The following PEX1 variants were observed in gnomAD, a reference collection of about 807,000 sequenced individuals.
PEX1 encodes peroxisomal ATPase PEX1.
In PEX1, 97 loss-of-function variants were observed where a neutral mutation model predicts 152.5. The observed-to-expected ratio is 0.64, with a 90% CI of 0.54 to 0.75. The LOEUF (loss-of-function observed/expected upper bound fraction) is 0.75. Among genes scored for constraint, PEX1 ranks in the 30% least tolerant of loss-of-function variants. PEX1 has a pLI of 0.00. For synonymous variants in PEX1, 485 were observed against 531.6 expected (o/e 0.91, Z 1.21); for missense variants, 1,357 against 1,516.3 (o/e 0.89, Z 1.74).
intron 17 of PEX1, among the ~76,000 whole-genome samples, chr7:92,495,638 T>C (rs1791617290): frequency 6.6e-6 from 1 of 152,176 alleles, no homozygotes; most frequent in African/African-American, 2.4e-5. Context: ...ATTTCTGGGA[T>C]ATCTTTAGCG....
intron 12 of PEX1, 151 bp downstream of exon 12, chr7:92,504,581 T>C (rs1437933490): frequency 3.8e-6 from 3 of 785,954 alleles, no homozygotes; most frequent in Admixed American, 2.1e-5. Flanking sequence ...TTACAGTCTA[T>C]AGGACAACTG....
At chr7:92,504,638 A>AT in intron 12 of PEX1, 94 bp downstream of exon 12, 1 of 1,241,216 alleles carries the variant, frequency 8.1e-7, no homozygotes, top group Non-Finnish European at 1.2e-6. Context: ...CATAACACAT[A>AT]TATTATTCTC....
chr7:92,489,509 G>A lies in PEX1; in HGVS notation c.3637-86C>T. The A allele has an allele frequency of 2.4e-6, 3 of 1,236,068 alleles. No individual in the cohort carries two copies. The South Asian group carries it at 3.8e-5, about 16-fold the overall frequency. The allele number at this position is 1,236,068 out of a possible 1,614,324, so 76.6% of individuals were successfully genotyped here. On this transcript the variant is annotated intron_variant, in intron 22 of 23. Coordinates refer to ENST00000248633, the MANE Select transcript of PEX1 (RefSeq NM_000466.3). ...GTCCAGTTGTTACTTCTTATTGTCA[G>A]TTTTTTCAAGAGACCATACGTTCTC...
chr7:92,522,297 G>C, intron 1 of PEX1, 52 bp from the exon 2 acceptor site: 1 of 1,554,230 alleles, frequency 6.4e-7, no homozygotes, highest in South Asian at 1.1e-5. Context: ...CATTTTTCTG[G>C]ATTCACATGA....
chr7:92,489,602 G>T, intron 22 of PEX1, 112 bp downstream of exon 22: 1 of 1,065,918 alleles, frequency 9.4e-7, no homozygotes. Flanking sequence ...AATGTGTTCT[G>T]GTCCCTTGTT....
chr7:92,504,038 A>G (rs1295000311), intron 12 of PEX1, among the ~76,000 whole-genome samples: 1 of 151,878 alleles, frequency 6.6e-6, no homozygotes, highest in Non-Finnish European at 1.5e-5. Flanking sequence ...TTGCTTCTTT[A>G]TTAGCATGAA....
At chr7:92,515,098 TA>T in intron 5 of PEX1, among the ~76,000 whole-genome samples, 1 of 4,792 alleles carries the variant, frequency 2.1e-4, no homozygotes, top group South Asian at 8.6e-3. Context: ...TATATATATA[TA>T]TATATATATA....
intron 5 of PEX1, 118 bp downstream of exon 5, chr7:92,517,158 G>A: frequency 1.2e-6 from 1 of 835,104 alleles, no homozygotes; most frequent in Non-Finnish European, 2.0e-6. Context: ...AGTGCCTTTA[G>A]GCACTGTGTT....
At position 92,517,730 on chromosome 7, in the gene PEX1, T is replaced by C; in HGVS notation, c.785A>G (p.Glu262Gly). 6.2e-7 allele frequency: 1 copy of C among 1,609,978 alleles called. No individual in the cohort carries two copies. ...GATTTCAGTTAAACCCCAAGATGTCTCTTGTTTCTTCTCAGATTGAAAGGA... is the reference window on the plus strand; with the variant it reads ...GATTTCAGTTAAACCCCAAGATGTCCCTTGTTTCTTCTCAGATTGAAAGGA... ...IFSFQSEKKQ[E>G]TSWGLTEINA... Residue 262 changes from glutamate to glycine, a missense_variant, in exon 5 of 24, where the codon GAG becomes GGG. Glu to Gly is a moderately conservative substitution (Grantham distance 98). Coordinates refer to ENST00000248633, the MANE Select transcript of PEX1 (RefSeq NM_000466.3).
In PEX1 at chr7:92,502,025, T is replaced by C; in HGVS notation, c.2281A>G (p.Ile761Val). Residue 761 changes from isoleucine (I) to valine (V), a missense_variant, in exon 14 of 24, where the codon ATA becomes GTA. By Grantham distance (29) the Ile-to-Val change is conservative. Coordinates refer to ENST00000248633, the MANE Select transcript of PEX1 (RefSeq NM_000466.3). ...NVIKNKLDCDINKFTDLDLQH... is the reference protein window; with the variant it reads ...NVIKNKLDCDVNKFTDLDLQH... ...AGGTCAAGATCGGTGAACTTGTTTA[T>C]ATCACAGTCCAATTTATTTTTTATT... 1 of 1,613,180 alleles carries C rather than the reference T, an allele frequency of 6.2e-7. No individual in the cohort carries two copies. The highest frequency in any genetic ancestry group is 8.5e-7 in the Non-Finnish European group (1 of 1,179,134).
chr7:92,517,133 T>A (rs1002823624), intron 5 of PEX1, 143 bp downstream of exon 5: 2 of 701,102 alleles, frequency 2.9e-6, no homozygotes, highest in Non-Finnish European at 4.9e-6. Context: ...CTGCAAAGCG[T>A]AAATGTGTCC....
intron 15 of PEX1, 53 bp from the exon 16 acceptor site, chr7:92,499,891 G>T (rs1312535743): frequency 2.8e-6 from 4 of 1,446,228 alleles, no homozygotes; most frequent in Middle Eastern, 1.7e-4. Context: ...AAACAGAAAT[G>T]ACTAAGTAGC....
In PEX1 at chr7:92,501,539, T is replaced by G; in HGVS notation, c.2551A>C (p.Ile851Leu). 6.2e-7 allele frequency: 1 copy of G among 1,613,950 alleles called. No homozygotes were observed. The highest frequency in any genetic ancestry group is 8.5e-7 in the Non-Finnish European group (1 of 1,179,872). Residue 851 changes from isoleucine (I) to leucine (L), a missense_variant, in exon 15 of 24, where the codon ATA (isoleucine) becomes CTA (leucine). By Grantham distance (5) the Ile-to-Leu change is conservative. Transcript: ENST00000248633. ...GGTAACTGGATAGTATCCATGAGTA[T>G]CTGCCTAACTTCATGTAACCCACCA... The part of the protein sequence containing the change: ...KIGGLHEVRQ[I>L]LMDTIQLPAK...
chr7:92,494,014 A>C, intron 19 of PEX1: 2 of 375,150 alleles, frequency 5.3e-6, no homozygotes, highest in East Asian at 1.2e-4. Flanking sequence ...CTTTGAACAG[A>C]AGATAATGTG....
intron 1 of PEX1, among the ~76,000 whole-genome samples, chr7:92,526,978 A>T (rs1264941400): frequency 6.6e-6 from 1 of 152,228 alleles, no homozygotes; most frequent in Non-Finnish European, 1.5e-5. Context: ...AAATGTATAG[A>T]TTTATGGAAT....
rs916738277 is a variant in PEX1, at chr7:92,496,794, G to A, written c.2719-17C>T. On this transcript the variant is annotated splice_polypyrimidine_tract_variant and intron_variant, in intron 16 of 23. Coordinates refer to ENST00000248633, the MANE Select transcript of PEX1 (RefSeq NM_000466.3). The stretch of plus-strand genomic sequence containing the variant: ...CTCTGGCCCCTATTGGGTAAAATAA[G>A]AGTTGAGATAAAATTATTTAAAAAG... The A allele has an allele frequency of 2.6e-6, 4 of 1,525,298 alleles. No individual in the cohort carries two copies. The highest frequency in any genetic ancestry group is 3.6e-6 in the Non-Finnish European group (4 of 1,100,092). 94.5% of individuals were successfully genotyped at this position (1,525,298 alleles called of 1,614,324 possible).
chr7:92,527,850 T>C (rs1224005174), intron 1 of PEX1, among the ~76,000 whole-genome samples: 1 of 152,244 alleles, frequency 6.6e-6, no homozygotes, highest in East Asian at 1.9e-4. Context: ...TGTATTAACC[T>C]TTCCCGCTCA....
At position 92,504,827 on chromosome 7, in the gene PEX1, A is replaced by C. The variant is rs1792104355; in HGVS notation, c.1976T>G (p.Val659Gly). 1 of 1,613,998 alleles carries C rather than the reference A, an allele frequency of 6.2e-7. No individual in the cohort carries two copies. ...SEAVWMQPSV[V>G]LLDDLDLIAG... The stretch of plus-strand genomic sequence containing the variant: ...AATGAGGTCAAGGTCATCCAGCAGG[A>C]CAACAGATGGCTGCATCCACACTGC... Residue 659 changes from valine to glycine, a missense_variant, in exon 12 of 24, where the codon GTC (valine) becomes GGC (glycine). Coordinates refer to ENST00000248633, the MANE Select transcript of PEX1 (RefSeq NM_000466.3).
chr7:92,511,770 A>T (rs1486552994), intron 6 of PEX1, 67 bp from the exon 7 acceptor site: 1 of 1,411,178 alleles, frequency 7.1e-7, no homozygotes, highest in East Asian at 2.3e-5. Context: ...CCCTTATTTT[A>T]ACATCTGATC....
Sources: allele counts gnomAD v4.1 joint callset (sites outside exome capture counted in the v4.1 genomes callset), GRCh38; gene constraint gnomAD v4.1.1; transcripts MANE v1.5; gene names NCBI Gene and HGNC (gene_info 2026-07-23, HGNC 2026-07-21).